The following YJEFN3 variants were observed in gnomAD, a reference collection of about 807,000 sequenced individuals.
The protein encoded by YJEFN3 is YjeF N-terminal domain containing 3.
Under a neutral mutation model 31.5 loss-of-function variants are expected in YJEFN3, and 29 were observed. The ratio of observed to expected loss-of-function variants is 0.92; its 90% confidence interval spans 0.69 to 1.26. The LOEUF is 1.26. YJEFN3 is among the 50% of genes most tolerant of loss of function. The probability of loss-of-function intolerance (pLI) is 0.00; values close to 1 mark genes in which losing one functional copy is unlikely to be tolerated. For synonymous variants in YJEFN3, 227 were observed against 196.1 expected (o/e 1.16, Z -1.32); for missense variants, 442 against 425.4 (o/e 1.04, Z -0.34).
Position 19,537,314 on chromosome 19 carries a change from C to T in YJEFN3, c.695-5C>T, listed in dbSNP as rs1388326990. ...TCCCAATCCCCCCGGACCCTCCTCCCTCAGGCTGGGACGCAGAGACCGGCA... is the reference window on the plus strand; with the variant it reads ...TCCCAATCCCCCCGGACCCTCCTCCTTCAGGCTGGGACGCAGAGACCGGCA... On this transcript the variant is annotated splice_polypyrimidine_tract_variant and splice_region_variant and intron_variant, in intron 6 of 6. Coordinates refer to ENST00000514277, the MANE Select transcript of YJEFN3 (RefSeq NM_198537.4). 3.2e-6 allele frequency: 5 copies of T among 1,584,778 alleles called. No homozygotes were observed. Among genetic ancestry groups the T allele is most frequent in the Non-Finnish European group, 1.7e-6 (2 of 1,171,472 alleles).
chr19:19,537,266 T>G (rs1308150891), intron 6 of YJEFN3, 53 bp from the exon 7 acceptor site: 2 of 1,480,502 alleles, frequency 1.4e-6, no homozygotes, highest in South Asian at 2.6e-5. Flanking sequence ...GACTCTAGGC[T>G]GAGGGCAGGC....
At chr19:19,530,817 T>C (rs967841312) in intron 2 of YJEFN3, among the ~76,000 whole-genome samples, 3 of 152,182 alleles carry the variant, frequency 2.0e-5, no homozygotes, top group African/African-American at 4.8e-5. Flanking sequence ...TTTGGCTCTG[T>C]TTACTGGGGT....
intron 6 of YJEFN3, chr19:19,535,971 C>A: frequency 1.8e-6 from 1 of 567,254 alleles, no homozygotes; most frequent in Non-Finnish European, 3.1e-6. Flanking sequence ...CGGCAAAGGC[C>A]GCGCCCGCCC....
Position 19,529,419 on chromosome 19 carries a change from A to T in YJEFN3, c.115A>T (p.Asn39Tyr). Residue 39 changes from asparagine (N) to tyrosine (Y), a missense_variant, in exon 2 of 7, where the codon AAT becomes TAT. Physicochemically the swap from Asn to Tyr is moderately radical, Grantham distance 143 (BLOSUM62 -2). Coordinates refer to ENST00000514277, the MANE Select transcript of YJEFN3 (RefSeq NM_198537.4). ...CATGGGAAGAGCGGAGCTTAGCTCAAATGCTACCACCTCCCTTGTCCAGAG... is the reference window on the plus strand; with the variant it reads ...CATGGGAAGAGCGGAGCTTAGCTCATATGCTACCACCTCCCTTGTCCAGAG... ...ADMGRAELSS[N>Y]ATTSLVQRRK... 6.2e-7 allele frequency: 1 copy of T among 1,614,170 alleles called. No individual in the cohort carries two copies.
At chr19:19,531,763 A>T (rs1209518131) in intron 2 of YJEFN3, among the ~76,000 whole-genome samples, 5 of 97,680 alleles carry the variant, frequency 5.1e-5, no homozygotes, top group African/African-American at 2.6e-4. Context: ...ACGGAGCCTC[A>T]CTCTGTCACC....
intron 2 of YJEFN3, among the ~76,000 whole-genome samples, chr19:19,531,718 C>CTTTTTTTTTTTTTTTTTTTTTTT (rs56747140): frequency 6.6e-5 from 5 of 75,864 alleles, no homozygotes; most frequent in African/African-American, 3.0e-4. Context: ...AACAAATAAC[C>CTTTTTTTTTTTTTTTTTTTTTTT]TTTTTTTTTT....
intron 3 of YJEFN3, chr19:19,533,829 C>A (rs904055431): frequency 4.6e-5 from 45 of 985,354 alleles, no homozygotes; most frequent in Non-Finnish European, 5.1e-5. Flanking sequence ...CAGTGGCCAA[C>A]TGTCTGGTTT....
At chr19:19,533,492 C>T in intron 3 of YJEFN3, 4 of 871,392 alleles carry the variant, frequency 4.6e-6, no homozygotes, top group Non-Finnish European at 2.7e-6. Context: ...CTCCTCCTTT[C>T]TCTCTCCCTC....
chr19:19,533,443 TC>T, intron 3 of YJEFN3: 1 of 966,096 alleles, frequency 1.0e-6, no homozygotes, highest in Non-Finnish European at 1.2e-6. Flanking sequence ...CTCGCCTTTC[TC>T]CTCCTTCCTC....
At chr19:19,529,820 C>A (rs997608478) in intron 2 of YJEFN3, among the ~76,000 whole-genome samples, 3 of 152,102 alleles carry the variant, frequency 2.0e-5, no homozygotes, top group African/African-American at 7.2e-5. Context: ...GGAGCTAGAA[C>A]GTAGTGGGGA....
chr19:19,533,083 C>T, intron 3 of YJEFN3: 1 of 1,085,224 alleles, frequency 9.2e-7, no homozygotes, highest in Non-Finnish European at 1.1e-6. Flanking sequence ...CTGAACACCC[C>T]TAAACAACCC....
In YJEFN3 at chr19:19,535,042, G is replaced by A. The variant is rs774550409; in HGVS notation, c.327G>A (p.Pro109=). The change falls in exon 4 of 7, where the codon CCG becomes CCA. Residue 109 remains proline, a synonymous_variant. Transcript: ENST00000514277. ...ASAVAVTKAF[P]LPALSRKQRT... The stretch of plus-strand genomic sequence containing the variant: ...GTGTCCCCTACCACCAGGCGTTCCC[G>A]TTGCCCGCTCTCTCCCGGAAGCAGA... 1.4e-5 allele frequency: 22 copies of A among 1,598,840 alleles called. No individual in the cohort carries two copies. The highest frequency in any genetic ancestry group is 1.7e-4 in the Middle Eastern group (1 of 5,970).
chr19:19,530,594 C>CA (rs1411917474), intron 2 of YJEFN3, among the ~76,000 whole-genome samples: 1 of 152,200 alleles, frequency 6.6e-6, no homozygotes, highest in East Asian at 1.9e-4. Flanking sequence ...GGGCAGCAGT[C>CA]AGAGCTGTCA....
At chr19:19,530,150 G>A (rs1293593910) in intron 2 of YJEFN3, among the ~76,000 whole-genome samples, 1 of 152,156 alleles carries the variant, frequency 6.6e-6, no homozygotes, top group Non-Finnish European at 1.5e-5. Flanking sequence ...GCCCCCTCCT[G>A]GAAGCATTTG....
At position 19,535,651 on chromosome 19, in the gene YJEFN3, C is replaced by A. The variant is rs749025015; in HGVS notation, c.666C>A (p.Ile222=). 4 of 1,573,614 alleles carry A rather than the reference C, an allele frequency of 2.5e-6. No individual in the cohort carries two copies. In the African/African-American group the frequency reaches 4.1e-5, roughly 16 times the overall value. The part of the protein sequence containing the change: ...RALATLKLLS[I]PLVSLDIPSG... ...TGGCCACGCTCAAGCTGCTGTCCAT[C>A]CCCCTCGTGAGCCTGGACATCCCCT... The change falls in exon 6 of 7, where the codon ATC becomes ATA. Residue 222 remains isoleucine, a synonymous_variant. Transcript: ENST00000514277.
At position 19,528,931 on chromosome 19, in the gene YJEFN3, C is replaced by T; in HGVS notation, c.-2C>T. On this transcript the variant is annotated 5_prime_UTR_variant, in exon 1 of 7. Coordinates refer to ENST00000514277, the MANE Select transcript of YJEFN3 (RefSeq NM_198537.4). ...CGCCCGGCGCCCGGGCTCACCTCGG[C>T]CATGAGCAGCGCAGCCGGCCCAGAC... The T allele has an allele frequency of 6.5e-7, 1 of 1,548,330 alleles. No individual in the cohort carries two copies. The highest frequency in any genetic ancestry group is 8.7e-7 in the Non-Finnish European group (1 of 1,146,168).
chr19:19,533,292 G>T (rs1441240955), intron 3 of YJEFN3: 10 of 985,770 alleles, frequency 1.0e-5, no homozygotes, highest in Non-Finnish European at 1.2e-5. Flanking sequence ...CAGCAGTGCT[G>T]GGCATCAGTT....
In YJEFN3 at chr19:19,528,974, AGAG is replaced by A; in HGVS notation, c.43_45del (p.Glu15del). On this transcript the variant is annotated inframe_deletion, in exon 1 of 7. Transcript: ENST00000514277. The stretch of plus-strand genomic sequence containing the variant: ...GCCCAGACCCGTCGGAGGCGCCCGA[AGAG>A]CGGCATTTCCTCAGGTCAGCTGGGG... 6.4e-7 allele frequency: 1 copy of A among 1,550,538 alleles called. No individual in the cohort carries two copies. The highest frequency in any genetic ancestry group is 8.7e-7 in the Non-Finnish European group (1 of 1,146,808).
chr19:19,529,424 T>C lies in YJEFN3; in HGVS notation c.120T>C (p.Ala40=). ...GAAGAGCGGAGCTTAGCTCAAATGC[T>C]ACCACCTCCCTTGTCCAGAGGAGGA... ...DMGRAELSSN[A]TTSLVQRRKQ... The change falls in exon 2 of 7, where the codon GCT becomes GCC. Residue 40 remains alanine, a synonymous_variant. Transcript: ENST00000514277. 6.2e-7 allele frequency: 1 copy of C among 1,614,116 alleles called. No individual in the cohort carries two copies.
Sources: gnomAD v4.1 joint callset for allele counts (sites outside exome capture counted in the v4.1 genomes callset) on GRCh38, gnomAD v4.1.1 for gene constraint, MANE v1.5 for transcripts, NCBI Gene and HGNC (gene_info 2026-07-23, HGNC 2026-07-21) for gene names.